Variants in PTPRN2 observed in about 807,000 individuals in gnomAD.
PTPRN2 encodes receptor-type tyrosine-protein phosphatase N2.
PTPRN2 carries 74 observed loss-of-function variants against 118.8 expected under a neutral mutation model. The ratio of observed to expected loss-of-function variants is 0.62; its 90% CI spans 0.52 to 0.76. The LOEUF (loss-of-function observed/expected upper bound fraction) is 0.76. Ranked by LOEUF, PTPRN2 falls within the 30% of genes least tolerant of loss-of-function variation. PTPRN2 has a pLI of 0.00. For missense variants in PTPRN2, 1,481 were observed against 1,394.4 expected (o/e 1.06, Z -0.99); for synonymous variants, 641 against 608.0 (o/e 1.05, Z -0.80).
chr7:158,408,674 C>T (rs1563256907), intron 2 of PTPRN2, among the ~76,000 whole-genome samples: 1 of 152,128 alleles, frequency 6.6e-6, no homozygotes, highest in African/African-American at 2.4e-5. Flanking sequence ...AAGGTGTTTC[C>T]TCCGTGTTTG....
chr7:158,067,692 C>T (rs115072863), intron 11 of PTPRN2, among the ~76,000 whole-genome samples: 2,288 of 152,134 alleles, frequency 0.015, 48 homozygotes, highest in African/African-American at 0.05. Context: ...AGAGACAAGG[C>T]GTGAAGGAGT....
At chr7:158,055,364 C>A (rs753642235) in intron 11 of PTPRN2, among the ~76,000 whole-genome samples, 1 of 152,120 alleles carries the variant, frequency 6.6e-6, no homozygotes. Flanking sequence ...CGTGGTCAAG[C>A]GGTAGCGTCA....
rs1205013589 is a variant in PTPRN2 at position 157,964,736 on chromosome 7, T to C, written c.1724-65999A>G. ...CACCTCAGAGCTTGGCACTGGGTGC[T>C]CTGATTCCCTTCCTCAAGCTTCCCA... On this transcript the variant is annotated intron_variant, in intron 11 of 22. Transcript: ENST00000389418. This position sits in a 1 kb window ranked among gnomAD's most constrained non-coding sequence, Gnocchi z 9.0. 6.6e-6 allele frequency among the ~76,000 whole-genome samples: 1 copy of C among 152,150 alleles called. No individual in the cohort carries two copies. The highest frequency in any genetic ancestry group is 1.5e-5 in the Non-Finnish European group (1 of 68,024).
At chr7:158,179,691 G>A (rs2150653249) in intron 5 of PTPRN2, among the ~76,000 whole-genome samples, 1 of 152,246 alleles carries the variant, frequency 6.6e-6, no homozygotes, top group Non-Finnish European at 1.5e-5. Flanking sequence ...GTAGGAGGCA[G>A]GACTCAACTT....
chr7:157,683,339 G>A (rs1050417748), intron 12 of PTPRN2, among the ~76,000 whole-genome samples: 1 of 152,210 alleles, frequency 6.6e-6, no homozygotes, highest in Non-Finnish European at 1.5e-5. Context: ...CAGGCTTGGC[G>A]GTGGAGGAGG....
At chr7:158,515,263 C>T (rs555836563) in intron 1 of PTPRN2, among the ~76,000 whole-genome samples, 4 of 151,848 alleles carry the variant, frequency 2.6e-5, no homozygotes, top group African/African-American at 4.8e-5. Flanking sequence ...CTCTGCTCAC[C>T]GCAACCTCTG....
intron 11 of PTPRN2, among the ~76,000 whole-genome samples, chr7:157,933,753 G>A (rs1434204618): frequency 1.4e-5 from 2 of 142,296 alleles, no homozygotes; most frequent in African/African-American, 5.0e-5. Flanking sequence ...TTAGAGGAGG[G>A]GTGAGTCACT....
At chr7:157,892,134 C>T (rs539767532) in intron 12 of PTPRN2, among the ~76,000 whole-genome samples, 52 of 151,076 alleles carry the variant, frequency 3.4e-4, no homozygotes, top group African/African-American at 1.2e-3. Context: ...GAACGCTGGG[C>T]AGGGGACCTC....
intron 11 of PTPRN2, among the ~76,000 whole-genome samples, chr7:157,963,426 T>G (rs2128810789): frequency 6.6e-6 from 1 of 152,326 alleles, no homozygotes. Flanking sequence ...TAAGAATTGG[T>G]TTGGTTTTAT....
chr7:158,254,930 G>A (rs1195357488), intron 3 of PTPRN2, among the ~76,000 whole-genome samples: 1 of 152,260 alleles, frequency 6.6e-6, no homozygotes, highest in Non-Finnish European at 1.5e-5. Context: ...GAAGCATGGT[G>A]TTACAGGGAA....
intron 15 of PTPRN2, among the ~76,000 whole-genome samples, chr7:157,608,745 C>T (rs957308904): frequency 1.3e-5 from 2 of 152,156 alleles, no homozygotes; most frequent in African/African-American, 2.4e-5. Flanking sequence ...GGCAGGCCCA[C>T]GCGCAATCAG....
intron 6 of PTPRN2, among the ~76,000 whole-genome samples, chr7:158,140,085 CTTCTT>C (rs1421260174): frequency 2.0e-5 from 3 of 152,194 alleles, no homozygotes; most frequent in African/African-American, 7.2e-5. Flanking sequence ...GAAAGACCGT[CTTCTT>C]TTCTCCTCTT....
At chr7:158,416,465 T>C (rs542948376) in intron 2 of PTPRN2, among the ~76,000 whole-genome samples, 3 of 152,306 alleles carry the variant, frequency 2.0e-5, no homozygotes, top group South Asian at 2.1e-4. Context: ...CCATGTGGGA[T>C]TGGTGGCTGC....
chr7:158,110,001 G>A (rs1366629167), intron 10 of PTPRN2, among the ~76,000 whole-genome samples: 1 of 77,116 alleles, frequency 1.3e-5, no homozygotes, highest in East Asian at 2.7e-4. Flanking sequence ...GTCACCCTGT[G>A]TGAAGGGACC....
chr7:158,226,835 T>C (rs1460204246), intron 3 of PTPRN2, among the ~76,000 whole-genome samples: 1 of 152,096 alleles, frequency 6.6e-6, no homozygotes, highest in African/African-American at 2.4e-5. Flanking sequence ...TGTCTCACTT[T>C]TTAAAATTTC....
At chr7:158,196,620 T>C (rs546445931) in intron 4 of PTPRN2, among the ~76,000 whole-genome samples, 2 of 152,274 alleles carry the variant, frequency 1.3e-5, no homozygotes, top group East Asian at 1.9e-4. Flanking sequence ...ACTTCAGGAC[T>C]ACAGAGTCTG....
chr7:157,947,432 C>T (rs577540341), intron 11 of PTPRN2, among the ~76,000 whole-genome samples: 2 of 152,320 alleles, frequency 1.3e-5, no homozygotes, highest in East Asian at 3.9e-4. Context: ...ATTCCCCATT[C>T]CCCAGTTCAA....
intron 11 of PTPRN2, among the ~76,000 whole-genome samples, chr7:157,947,216 CATGGAA>C (rs4019374): frequency 0.52 from 79,029 of 151,574 alleles, 21,435 homozygotes; most frequent in African/African-American, 0.66. Flanking sequence ...CGAGTAGTGA[CATGGAA>C]ATCACAGAGC....
intron 9 of PTPRN2, among the ~76,000 whole-genome samples, chr7:158,113,404 G>A (rs998538986): frequency 1.3e-5 from 2 of 152,178 alleles, no homozygotes; most frequent in Non-Finnish European, 2.9e-5. Context: ...TGCTAGCATA[G>A]GGATAGGAGT....
Sources: gnomAD v4.1 joint callset for allele counts (sites outside exome capture counted in the v4.1 genomes callset) on GRCh38, gnomAD v4.1.1 for gene constraint, Gnocchi (gnomAD v3.1) non-coding constraint, MANE v1.5 for transcripts, NCBI Gene and HGNC (gene_info 2026-07-23, HGNC 2026-07-21) for gene names.